The following ASIC2 variants were observed in gnomAD, a reference collection of about 807,000 sequenced individuals.
The protein encoded by ASIC2 is acid sensing ion channel subunit 2.
A neutral mutation model predicts 57.3 loss-of-function variants in ASIC2; 25 were observed. The ratio of observed to expected loss-of-function variants is 0.44; its 90% confidence interval spans 0.32 to 0.61. ASIC2 has a LOEUF of 0.61. Among genes scored for constraint, ASIC2 ranks in the 20% least tolerant of loss-of-function variants. The probability of loss-of-function intolerance (pLI) is 0.06; values close to 1 mark genes in which losing one functional copy is unlikely to be tolerated. For missense variants in ASIC2, 641 were observed against 738.1 expected (o/e 0.87, Z 1.52); for synonymous variants, 319 against 307.5 (o/e 1.04, Z -0.39).
At chr17:33,802,640 T>C (rs1408611994) in intron 1 of ASIC2, among the ~76,000 whole-genome samples, 1 of 152,232 alleles carries the variant, frequency 6.6e-6, no homozygotes, top group Non-Finnish European at 1.5e-5. Context: ...TGTTTCTCAA[T>C]ATTTGCTTTC....
chr17:33,546,166 AGTATATGTAAATATATATACATAT>A (rs1437670022), intron 1 of ASIC2, among the ~76,000 whole-genome samples: 3 of 147,408 alleles, frequency 2.0e-5, no homozygotes, highest in African/African-American at 5.2e-5. Flanking sequence ...TATATACATA[AGTATATGTAAATATATATACATAT>A]GTATATGTAT....
At chr17:33,659,094 C>T (rs997912343) in intron 1 of ASIC2, among the ~76,000 whole-genome samples, 8 of 152,184 alleles carry the variant, frequency 5.3e-5, no homozygotes, top group African/African-American at 9.7e-5. Flanking sequence ...TTCGGAGGAA[C>T]GCACACACTC....
intron 1 of ASIC2, among the ~76,000 whole-genome samples, chr17:33,272,105 C>G (rs1383195173): frequency 6.6e-6 from 1 of 152,228 alleles, no homozygotes; most frequent in South Asian, 2.1e-4. Flanking sequence ...TCATTTTGAT[C>G]TTGGCTCAAA....
rs138548421 is a variant in ASIC2, at chr17:33,100,575, G to C, written c.859+11342C>G. On this transcript the variant is annotated intron_variant, in intron 2 of 9. Coordinates refer to ENST00000225823, the MANE Select transcript of ASIC2 (RefSeq NM_183377.2). ...CTTGGTGACACTTAATAGTTGACAC[G>C]TTCCCCAAACAGACTGCAAATGCTT... Among the ~76,000 whole-genome samples the C allele has an allele frequency of 2.5e-3, 388 of 152,258 alleles. 1 individual carries two copies. The highest frequency in any genetic ancestry group is 9.0e-3 in the African/African-American group (374 of 41,546).
chr17:33,752,549 A>C (rs575735316), intron 1 of ASIC2, among the ~76,000 whole-genome samples: 1 of 152,254 alleles, frequency 6.6e-6, no homozygotes, highest in Non-Finnish European at 1.5e-5. Context: ...AAAATGGGCC[A>C]ATGATCTTAA....
chr17:34,039,676 TTTC>T, intron 1 of ASIC2: 1 of 1,612,660 alleles, frequency 6.2e-7, no homozygotes, highest in Non-Finnish European at 8.5e-7. Flanking sequence ...TGGTTCAGCT[TTTC>T]TTTTCCGATT....
At position 34,124,203 on chromosome 17, in the gene ASIC2, A is replaced by G. The variant is rs140285426; in HGVS notation, c.555+31775T>C. Among the ~76,000 whole-genome samples, 491 of 152,354 alleles carry G rather than the reference A, an allele frequency of 3.2e-3. 8 individuals carry two copies. Among genetic ancestry groups the G allele is most frequent in the Admixed American group, 0.027 (415 of 15,302 alleles). ...GAGGCACAGAGATTATGTAACAGAA[A>G]GAATACAGGAAAGCACTTAGCACAG... On this transcript the variant is annotated intron_variant, in intron 1 of 9. Coordinates refer to the ASIC2 transcript ENST00000359872.
chr17:34,016,423 C>CAAAA (rs398041640), intron 1 of ASIC2, among the ~76,000 whole-genome samples: 814 of 41,374 alleles, frequency 0.02, 89 homozygotes, highest in African/African-American at 0.062. Flanking sequence ...GACTCCGTCT[C>CAAAA]AAAAAAAAAA....
intron 3 of ASIC2, among the ~76,000 whole-genome samples, chr17:33,034,243 G>A (rs149477166): frequency 2.1e-4 from 32 of 152,148 alleles, no homozygotes; most frequent in African/African-American, 7.2e-4. Flanking sequence ...CTGGATGCAG[G>A]ATAAGAACTC....
At chr17:33,736,098 G>T (rs1909901875) in intron 1 of ASIC2, among the ~76,000 whole-genome samples, 1 of 152,004 alleles carries the variant, frequency 6.6e-6, no homozygotes, top group African/African-American at 2.4e-5. Flanking sequence ...AATAATAAAG[G>T]TAAGAAAATA....
intron 3 of ASIC2, among the ~76,000 whole-genome samples, chr17:33,038,738 A>AT (rs1469711756): frequency 3.9e-5 from 6 of 152,178 alleles, no homozygotes; most frequent in African/African-American, 1.4e-4. Flanking sequence ...AGTCGCCTTC[A>AT]TTTTGTAGAG....
intron 9 of ASIC2, 35 bp from the exon 10 acceptor site, chr17:33,014,101 G>A (rs757915580): frequency 4.6e-6 from 7 of 1,518,830 alleles, no homozygotes; most frequent in South Asian, 3.6e-5. Flanking sequence ...TTTATTATTC[G>A]CTCAGCAAAA....
At chr17:34,150,683 G>A (rs550406303) in intron 1 of ASIC2, among the ~76,000 whole-genome samples, 1 of 152,298 alleles carries the variant, frequency 6.6e-6, no homozygotes, top group Non-Finnish European at 1.5e-5. Context: ...CTGTTTAGAA[G>A]ACAGACGAGA....
intron 3 of ASIC2, among the ~76,000 whole-genome samples, chr17:33,050,744 C>T (rs1274443836): frequency 6.6e-6 from 1 of 152,026 alleles, no homozygotes; most frequent in East Asian, 1.9e-4. Flanking sequence ...TCAAGCCTGG[C>T]TACTTGAGAT....
intron 1 of ASIC2, among the ~76,000 whole-genome samples, chr17:33,672,328 C>A (rs576317162): frequency 6.6e-5 from 10 of 151,894 alleles, no homozygotes; most frequent in African/African-American, 2.2e-4. Context: ...CTATTACCCA[C>A]CCCCTCCCAT....
chr17:33,854,976 C>T (rs2141918760), intron 1 of ASIC2, among the ~76,000 whole-genome samples: 1 of 152,318 alleles, frequency 6.6e-6, no homozygotes, highest in Non-Finnish European at 1.5e-5. Flanking sequence ...GACCCAGGCT[C>T]CTGCTAGGGG....
chr17:33,962,807 A>G lies in ASIC2; in HGVS notation c.555+193171T>C, dbSNP rs111494855. Among the ~76,000 whole-genome samples the G allele has an allele frequency of 5.1e-3, 771 of 152,278 alleles. 7 individuals are homozygous for G. Among genetic ancestry groups the G allele is most frequent in the Middle Eastern group, 0.031 (9 of 294 alleles). Reference sequence around the variant, plus strand: ...GATGGGGGCCAAAGAGGAAAAAACCATTTTTAGTAAAAAATGACTAGTGTC... The same window carrying G: ...GATGGGGGCCAAAGAGGAAAAAACCGTTTTTAGTAAAAAATGACTAGTGTC... On this transcript the variant is annotated intron_variant, in intron 1 of 9. Coordinates refer to the ASIC2 transcript ENST00000359872.
At chr17:33,721,398 G>A (rs1909383621) in intron 1 of ASIC2, among the ~76,000 whole-genome samples, 1 of 152,198 alleles carries the variant, frequency 6.6e-6, no homozygotes, top group African/African-American at 2.4e-5. Flanking sequence ...GAGATGATGT[G>A]TGTGACTTCT....
At chr17:33,405,260 G>A (rs969058440) in intron 1 of ASIC2, among the ~76,000 whole-genome samples, 2 of 152,100 alleles carry the variant, frequency 1.3e-5, no homozygotes, top group Non-Finnish European at 2.9e-5. Flanking sequence ...AGAATTGCAT[G>A]GTAGGGGGCT....
Sources: gnomAD v4.1 joint callset for allele counts (sites outside exome capture counted in the v4.1 genomes callset) on GRCh38, gnomAD v4.1.1 for gene constraint, MANE v1.5 for transcripts, NCBI Gene and HGNC (gene_info 2026-07-23, HGNC 2026-07-21) for gene names.